The following ATF2 variants were observed in gnomAD, a reference collection of about 807,000 sequenced individuals.
ATF2 encodes the protein cyclic AMP-dependent transcription factor ATF-2.
ATF2 carries 24 observed loss-of-function variants against 60.6 expected under a neutral mutation model. The ratio of observed to expected loss-of-function variants is 0.40; its 90% confidence interval spans 0.29 to 0.56. The LOEUF (loss-of-function observed/expected upper bound fraction) is 0.56. Ranked by LOEUF, ATF2 falls within the 20% of genes least tolerant of loss-of-function variation. The pLI is 0.54. For missense variants in ATF2, 433 were observed against 607.7 expected (o/e 0.71, Z 3.02); for synonymous variants, 206 against 215.4 (o/e 0.96, Z 0.38).
intron 7 of ATF2, among the ~76,000 whole-genome samples, chr2:175,115,078 G>GTTGTTTTT (rs567734620): frequency 6.9e-6 from 1 of 144,042 alleles, no homozygotes; most frequent in Non-Finnish European, 1.5e-5. Flanking sequence ...AAAAAGACTC[G>GTTGTTTTT]TTTTTTTTTT....
chr2:175,136,271 G>A, intron 3 of ATF2, 141 bp downstream of exon 3: 1 of 788,316 alleles, frequency 1.3e-6, no homozygotes, highest in Non-Finnish European at 2.2e-6. Context: ...AGGAGTATCA[G>A]CTAAACTACA....
At chr2:175,141,030 A>AATATATATATATATATATAT (rs1553513531) in intron 2 of ATF2, among the ~76,000 whole-genome samples, 7 of 37,618 alleles carry the variant, frequency 1.9e-4, no homozygotes, top group African/African-American at 8.6e-4. Flanking sequence ...AAAAAAAAAA[A>AATATATATATATATATATAT]ATATATATAT....
At chr2:175,124,319 G>T (rs1391403351) in intron 4 of ATF2, among the ~76,000 whole-genome samples, 1 of 150,944 alleles carries the variant, frequency 6.6e-6, no homozygotes, top group African/African-American at 2.4e-5. Context: ...TAGGTGCCTA[G>T]CAGGTAGCAA....
Position 175,136,497 on chromosome 2 carries a change from A to C in ATF2, c.-43-11T>G. The C allele has an allele frequency of 1.3e-6, 2 of 1,524,854 alleles. No individual in the cohort carries two copies. The highest frequency in any genetic ancestry group is 9.0e-7 in the Non-Finnish European group (1 of 1,107,272). 94.5% of individuals were successfully genotyped at this position (1,524,854 alleles called of 1,614,324 possible). A position where few individuals can be genotyped will look rare whatever the true frequency, so the allele number is the denominator to read the frequency against. ...CTCATGGCAAGAATACTGAAAAACA[A>C]AGTGGTTTCACACTGTTAAAAATAG... On this transcript the variant is annotated splice_polypyrimidine_tract_variant and intron_variant, in intron 2 of 13. Coordinates refer to ENST00000264110, the MANE Select transcript of ATF2 (RefSeq NM_001880.4).
Position 175,097,897 on chromosome 2 carries a change from C to T in ATF2, c.829-304G>A, listed in dbSNP as rs1345140075. ...TGGGTTTGTCTCTCTTAGGTTTTCCCTGTCCCCAGTAAGCAGATCTAGTTC... is the reference window on the plus strand; with the variant it reads ...TGGGTTTGTCTCTCTTAGGTTTTCCTTGTCCCCAGTAAGCAGATCTAGTTC... On this transcript the variant is annotated intron_variant, in intron 10 of 13. Transcript: ENST00000264110. Among the ~76,000 whole-genome samples the T allele has an allele frequency of 2.0e-5, 3 of 152,284 alleles. No homozygotes were observed. The East Asian group carries it at 5.8e-4, about 29-fold the overall frequency.
At chr2:175,094,504 G>A (rs1163276024) in intron 11 of ATF2, among the ~76,000 whole-genome samples, 1 of 150,646 alleles carries the variant, frequency 6.6e-6, no homozygotes, top group East Asian at 1.9e-4. Context: ...CAATCCAAAG[G>A]AGAAGCCTGA....
At chr2:175,163,884 G>A (rs115230915) in intron 1 of ATF2, among the ~76,000 whole-genome samples, 2,354 of 110,160 alleles carry the variant, frequency 0.021, 28 homozygotes, top group Middle Eastern at 0.083. Context: ...GAGCGGCACT[G>A]CACTCCAGCC....
chr2:175,077,136 T>C (rs1693383698), intron 13 of ATF2, among the ~76,000 whole-genome samples: 1 of 152,152 alleles, frequency 6.6e-6, no homozygotes, highest in Non-Finnish European at 1.5e-5. Flanking sequence ...CTCATCATTT[T>C]TTATGGCTGC....
chr2:175,133,088 CAAAA>C (rs796108304), intron 3 of ATF2, among the ~76,000 whole-genome samples: 1 of 123,840 alleles, frequency 8.1e-6, no homozygotes, highest in Non-Finnish European at 1.7e-5. Context: ...GACTCTGTCT[CAAAA>C]AAAAAAAAAA....
chr2:175,149,957 T>C (rs1185470989), intron 2 of ATF2, among the ~76,000 whole-genome samples: 1 of 152,190 alleles, frequency 6.6e-6, no homozygotes, highest in Non-Finnish European at 1.5e-5. Context: ...ATTGAGCACA[T>C]GCAATAGGGT....
intron 10 of ATF2, among the ~76,000 whole-genome samples, chr2:175,104,141 T>G (rs1695485029): frequency 6.6e-6 from 1 of 152,108 alleles, no homozygotes; most frequent in African/African-American, 2.4e-5. Context: ...GGAAAGGCAC[T>G]GAACATCTGA....
At chr2:175,114,651 A>T (rs181759392) in intron 8 of ATF2, 39 bp downstream of exon 8, 68 of 1,583,126 alleles carry the variant, frequency 4.3e-5, no homozygotes, top group Admixed American at 4.1e-4. Flanking sequence ...AACAAACTTA[A>T]TTCATGTATA....
intron 5 of ATF2, among the ~76,000 whole-genome samples, chr2:175,120,011 C>A (rs1404417095): frequency 6.6e-6 from 1 of 151,444 alleles, no homozygotes; most frequent in East Asian, 1.9e-4. Context: ...GTAATGTTAA[C>A]CTATTCATCT....
chr2:175,150,210 T>G (rs1699217559), intron 2 of ATF2, among the ~76,000 whole-genome samples: 1 of 152,196 alleles, frequency 6.6e-6, no homozygotes, highest in African/African-American at 2.4e-5. Context: ...CAGATTTAAA[T>G]TATTTTCCGA....
intron 12 of ATF2, among the ~76,000 whole-genome samples, chr2:175,085,508 G>C (rs1331649334): frequency 6.7e-6 from 1 of 148,610 alleles, no homozygotes; most frequent in Non-Finnish European, 1.5e-5. Context: ...TACAGAGTGA[G>C]ACTCAAGTCT....
In ATF2 at chr2:175,130,222, A is replaced by G; in HGVS notation, c.33-15T>C. 1.3e-6 allele frequency: 2 copies of G among 1,504,636 alleles called. No individual in the cohort carries two copies. The highest frequency in any genetic ancestry group is 1.8e-6 in the Non-Finnish European group (2 of 1,112,912). 93.2% of individuals were successfully genotyped at this position (1,504,636 alleles called of 1,614,324 possible). A position where few individuals can be genotyped will look rare whatever the true frequency, so the allele number is the denominator to read the frequency against. ...CCTTGTATTGCCTATAATCAAACAG[A>G]AGACACTTTAGAGTACATATTTTAA... On this transcript the variant is annotated splice_polypyrimidine_tract_variant and intron_variant, in intron 3 of 13. Transcript: ENST00000264110.
Position 175,145,327 on chromosome 2 carries a change from A to C in ATF2, c.-44+5733T>G, listed in dbSNP as rs564753512. 2.8e-4 allele frequency among the ~76,000 whole-genome samples: 42 copies of C among 152,316 alleles called. No homozygotes were observed. The South Asian group carries it at 4.6e-3, about 17-fold the overall frequency. ...TGTTGGGGCAGATCCCTCATGGCTCAGTGCTGTCCTCTCAACAGTGAATGA... is the reference window on the plus strand; with the variant it reads ...TGTTGGGGCAGATCCCTCATGGCTCCGTGCTGTCCTCTCAACAGTGAATGA... On this transcript the variant is annotated intron_variant, in intron 2 of 13. Transcript: ENST00000264110.
intron 10 of ATF2, among the ~76,000 whole-genome samples, chr2:175,098,572 AGAAC>A: frequency 6.6e-6 from 1 of 152,044 alleles, no homozygotes; most frequent in East Asian, 1.9e-4. Context: ...TAGAGATGTG[AGAAC>A]CATGTTGCAG....
At chr2:175,142,686 AG>A (rs1698632777) in intron 2 of ATF2, among the ~76,000 whole-genome samples, 4 of 66,986 alleles carry the variant, frequency 6.0e-5, no homozygotes, top group Admixed American at 5.1e-4. Context: ...CGCTGCCGAA[AG>A]AGAGAGAGAG....
Sources: gnomAD v4.1 joint callset for allele counts (sites outside exome capture counted in the v4.1 genomes callset) on GRCh38, gnomAD v4.1.1 for gene constraint, MANE v1.5 for transcripts, NCBI Gene and HGNC (gene_info 2026-07-23, HGNC 2026-07-21) for gene names.